The following KSR2 variants were observed in gnomAD, a reference collection of about 807,000 sequenced individuals.
KSR2 encodes the protein kinase suppressor of ras 2.
In KSR2, 25 loss-of-function variants were observed where a neutral mutation model predicts 107.8. The ratio of observed to expected loss-of-function variants is 0.23; its 90% CI spans 0.17 to 0.32. KSR2 has a LOEUF of 0.32. Ranked by LOEUF, KSR2 falls within the 10% of genes least tolerant of loss-of-function variation. The probability of loss-of-function intolerance (pLI) is 1.00; values close to 1 mark genes in which losing one functional copy is unlikely to be tolerated. For missense variants in KSR2, 887 were observed against 1,268.9 expected (o/e 0.70, Z 4.57); for synonymous variants, 480 against 507.0 (o/e 0.95, Z 0.71).
chr12:117,721,860 G>A (rs760729236), intron 4 of KSR2, among the ~76,000 whole-genome samples: 13 of 152,064 alleles, frequency 8.5e-5, no homozygotes, highest in Non-Finnish European at 1.0e-4. Flanking sequence ...GACTAACATC[G>A]GTAGCCGTAA....
chr12:117,757,730 T>C (rs890406768), intron 4 of KSR2, among the ~76,000 whole-genome samples: 2 of 152,250 alleles, frequency 1.3e-5, no homozygotes, highest in Admixed American at 6.5e-5. Flanking sequence ...TAGTGTTTTT[T>C]AGTATTAAAG....
chr12:117,623,888 T>C (rs1882326202), intron 5 of KSR2, among the ~76,000 whole-genome samples: 1 of 152,192 alleles, frequency 6.6e-6, no homozygotes, highest in African/African-American at 2.4e-5. Context: ...CTCTCTAGCA[T>C]CTGTTGTTTC....
At chr12:117,813,428 C>A (rs1891269685) in intron 3 of KSR2, among the ~76,000 whole-genome samples, 1 of 152,092 alleles carries the variant, frequency 6.6e-6, no homozygotes, top group Non-Finnish European at 1.5e-5. Flanking sequence ...GAAGCTCAAA[C>A]AACTCATTAG....
intron 12 of KSR2, among the ~76,000 whole-genome samples, chr12:117,530,304 C>A (rs1875522475): frequency 6.6e-6 from 1 of 152,084 alleles, no homozygotes; most frequent in South Asian, 2.1e-4. Context: ...CAGAGGTTAG[C>A]AAATTTCTTT....
chr12:117,523,433 C>T (rs1401966766), intron 14 of KSR2, among the ~76,000 whole-genome samples: 1 of 152,116 alleles, frequency 6.6e-6, no homozygotes, highest in Non-Finnish European at 1.5e-5. Context: ...GGAGTCAGCG[C>T]CAGAGTTTAA....
chr12:117,637,166 A>G (rs979855638), intron 5 of KSR2, among the ~76,000 whole-genome samples: 4 of 152,238 alleles, frequency 2.6e-5, no homozygotes, highest in African/African-American at 9.6e-5. Context: ...TAGCAAGGAT[A>G]TGGAGCAACC....
intron 3 of KSR2, among the ~76,000 whole-genome samples, chr12:117,773,598 A>G (rs1177182014): frequency 2.0e-5 from 3 of 152,212 alleles, no homozygotes; most frequent in Non-Finnish European, 4.4e-5. Flanking sequence ...TCCAGGATCA[A>G]CACTGCTTGT....
At chr12:117,587,625 C>A (rs1490142330) in intron 5 of KSR2, among the ~76,000 whole-genome samples, 6 of 152,104 alleles carry the variant, frequency 3.9e-5, no homozygotes, top group Non-Finnish European at 7.4e-5. Flanking sequence ...GGGAAACTGA[C>A]ACAGCACCTA....
At chr12:117,844,516 AG>A (rs771182796) in intron 3 of KSR2, among the ~76,000 whole-genome samples, 1 of 151,708 alleles carries the variant, frequency 6.6e-6, no homozygotes, top group Non-Finnish European at 1.5e-5. Flanking sequence ...TTTTTTAAAA[AG>A]TTGGCAGTGG....
intron 1 of KSR2, among the ~76,000 whole-genome samples, chr12:117,882,315 A>G (rs1894050858): frequency 6.6e-6 from 1 of 152,194 alleles, no homozygotes. Context: ...ACAAGCACTC[A>G]TAACTTCCCA....
At chr12:117,578,896 G>T (rs193288579) in intron 7 of KSR2, among the ~76,000 whole-genome samples, 2 of 152,256 alleles carry the variant, frequency 1.3e-5, no homozygotes, top group East Asian at 3.9e-4. Flanking sequence ...ACAGCATTAG[G>T]CATTTCCAGG....
At chr12:117,877,699 C>T (rs1030587988) in intron 1 of KSR2, among the ~76,000 whole-genome samples, 19 of 152,290 alleles carry the variant, frequency 1.2e-4, no homozygotes, top group Admixed American at 1.3e-4. Context: ...GGATAAAACA[C>T]AAGGAGGGAG....
Position 117,805,753 on chromosome 12 carries a change from G to A in KSR2, c.473-44229C>T, listed in dbSNP as rs533124754. On this transcript the variant is annotated intron_variant, in intron 3 of 19. Coordinates refer to ENST00000339824, the MANE Select transcript of KSR2 (RefSeq NM_173598.6). ...TCCCAACACTTTGGGAGACCAAGGC[G>A]GGCAGATCACTTGAGGTCGGGAGTT... 1.0e-3 allele frequency among the ~76,000 whole-genome samples: 158 copies of A among 152,302 alleles called. 1 individual carries two copies. The highest frequency in any genetic ancestry group is 3.4e-3 in the Middle Eastern group (1 of 294).
Position 117,701,424 on chromosome 12 carries a change from T to C in KSR2, c.987-33766A>G, listed in dbSNP as rs1160787309. Among the ~76,000 whole-genome samples the C allele has an allele frequency of 4.6e-5, 7 of 152,302 alleles. No individual in the cohort carries two copies. The South Asian group carries it at 8.3e-4, about 18-fold the overall frequency. The stretch of plus-strand genomic sequence containing the variant: ...CTTTATAAAATCATAAATCTGGTCA[T>C]GCCAACACCTTTGCTGAAAATCCTT... On this transcript the variant is annotated intron_variant, in intron 4 of 19. Coordinates refer to ENST00000339824, the MANE Select transcript of KSR2 (RefSeq NM_173598.6).
chr12:117,532,952 A>G (rs1479450119), intron 10 of KSR2, among the ~76,000 whole-genome samples: 1 of 152,224 alleles, frequency 6.6e-6, no homozygotes, highest in Non-Finnish European at 1.5e-5. Context: ...AGTAGCTCAG[A>G]GCCTAGAGTC....
intron 4 of KSR2, among the ~76,000 whole-genome samples, chr12:117,730,742 G>A (rs974886654): frequency 2.0e-4 from 31 of 152,334 alleles, no homozygotes; most frequent in African/African-American, 7.0e-4. Flanking sequence ...GCTCCTGACC[G>A]CGAGTGATCT....
rs1433824226 is a variant in KSR2, at chr12:117,453,597, T to C, written c.*13602A>G. On this transcript the variant is annotated 3_prime_UTR_variant, in exon 20 of 20. Coordinates refer to ENST00000339824, the MANE Select transcript of KSR2 (RefSeq NM_173598.6). The stretch of plus-strand genomic sequence containing the variant: ...AAAAGATAACAGCATAATTTACATA[T>C]AGAGAAAGCCTTTTTACAATTGAGG... 6.6e-6 allele frequency: 1 copy of C among 152,274 alleles called. No homozygotes were observed. Among genetic ancestry groups the C allele is most frequent in the Admixed American group, 6.5e-5 (1 of 15,292 alleles). The allele number at this position is 152,274 out of a possible 1,614,324, so 9.4% of individuals were successfully genotyped here.
intron 3 of KSR2, among the ~76,000 whole-genome samples, chr12:117,843,624 C>T (rs1892582978): frequency 6.6e-6 from 1 of 152,206 alleles, no homozygotes; most frequent in African/African-American, 2.4e-5. Flanking sequence ...CAATGGGGAA[C>T]AGAGGCTGGG....
At chr12:117,744,252 C>T (rs943284148) in intron 4 of KSR2, among the ~76,000 whole-genome samples, 8 of 152,168 alleles carry the variant, frequency 5.3e-5, no homozygotes. Context: ...AACTACTTCT[C>T]CTGTTTACTG....
Sources: gnomAD v4.1 joint callset for allele counts (sites outside exome capture counted in the v4.1 genomes callset) on GRCh38, gnomAD v4.1.1 for gene constraint, MANE v1.5 for transcripts, NCBI Gene and HGNC (gene_info 2026-07-23, HGNC 2026-07-21) for gene names.